The following KIAA1217 variants were observed in gnomAD, a reference collection of about 807,000 sequenced individuals.
KIAA1217 encodes the protein sickle tail protein homolog.
A neutral mutation model predicts 163.9 loss-of-function variants in KIAA1217; 88 were observed. The ratio of observed to expected loss-of-function variants is 0.54; its 90% CI spans 0.45 to 0.64. The LOEUF is 0.64. Ranked by LOEUF, KIAA1217 falls within the 30% of genes least tolerant of loss-of-function variation. The probability of loss-of-function intolerance (pLI) is 0.00; values close to 1 mark genes in which losing one functional copy is unlikely to be tolerated. For synonymous variants in KIAA1217, 903 were observed against 923.1 expected, an observed-to-expected ratio of 0.98 and a Z score of 0.39; for missense variants, 2,372 against 2,475.0, an observed-to-expected ratio of 0.96 and a Z score of 0.88.
chr10:23,778,236 G>A (rs11595534), intron 1 of KIAA1217, among the ~76,000 whole-genome samples: 28 of 152,122 alleles, frequency 1.8e-4, no homozygotes, highest in Non-Finnish European at 3.8e-4. Context: ...CACCATGCTC[G>A]GCAAACTGCA....
intron 1 of KIAA1217, among the ~76,000 whole-genome samples, chr10:23,857,512 G>A (rs1057243662): frequency 6.6e-6 from 1 of 152,330 alleles, no homozygotes. Context: ...ATGCCCTTGT[G>A]CCTCAGAGGT....
At chr10:23,995,450 C>CTCTGTGTGTGTGTGTGTGTGTGTGTG (rs980015208) in intron 1 of KIAA1217, among the ~76,000 whole-genome samples, 2 of 147,828 alleles carry the variant, frequency 1.4e-5, no homozygotes, top group African/African-American at 5.0e-5. Flanking sequence ...CAATTATGGC[C>CTCTGTGTGTGTGTGTGTGTGTGTGTG]TGTGTGTGTG....
chr10:23,886,569 C>A (rs190672938), intron 1 of KIAA1217, among the ~76,000 whole-genome samples: 1 of 151,908 alleles, frequency 6.6e-6, no homozygotes, highest in Non-Finnish European at 1.5e-5. Flanking sequence ...CTCGCTAGGG[C>A]GCAGCAGAGA....
At chr10:23,856,725 T>C (rs1839693553) in intron 1 of KIAA1217, among the ~76,000 whole-genome samples, 1 of 152,176 alleles carries the variant, frequency 6.6e-6, no homozygotes. Flanking sequence ...CAGGCGCCCC[T>C]CCCCCAGCCT....
intron 1 of KIAA1217, among the ~76,000 whole-genome samples, chr10:23,773,720 A>T (rs939356444): frequency 6.6e-6 from 1 of 151,986 alleles, no homozygotes; most frequent in Non-Finnish European, 1.5e-5. Context: ...ATTCTCTTTG[A>T]AGCAATTGTG....
intron 1 of KIAA1217, among the ~76,000 whole-genome samples, chr10:23,886,909 C>T (rs1297245098): frequency 6.6e-6 from 1 of 151,140 alleles, no homozygotes; most frequent in Admixed American, 6.6e-5. Context: ...GAATCAAATT[C>T]TCCAACTGCT....
intron 1 of KIAA1217, among the ~76,000 whole-genome samples, chr10:23,825,284 A>G (rs1383254826): frequency 6.6e-6 from 1 of 152,168 alleles, no homozygotes; most frequent in Non-Finnish European, 1.5e-5. Context: ...AGAAAAATGA[A>G]CGCTCATTAT....
At chr10:24,172,473 G>A (rs78628769) in intron 2 of KIAA1217, among the ~76,000 whole-genome samples, 2,270 of 152,232 alleles carry the variant, frequency 0.015, 60 homozygotes, top group African/African-American at 0.052. Context: ...GGTCTTGACC[G>A]CAGTGCATCC....
At chr10:24,074,254 CAGG>C (rs2061290390) in intron 2 of KIAA1217, among the ~76,000 whole-genome samples, 1 of 152,058 alleles carries the variant, frequency 6.6e-6, no homozygotes, top group Non-Finnish European at 1.5e-5. Context: ...GAGGCTGAGG[CAGG>C]AGAATTGCTT....
intron 2 of KIAA1217, among the ~76,000 whole-genome samples, chr10:24,305,218 G>T (rs1412484921): frequency 6.6e-6 from 1 of 152,216 alleles, no homozygotes; most frequent in Non-Finnish European, 1.5e-5. Flanking sequence ...TTGAAAGCTT[G>T]TACTGCTCAC....
chr10:24,420,473 C>A (rs923660047), intron 3 of KIAA1217, among the ~76,000 whole-genome samples: 4 of 152,040 alleles, frequency 2.6e-5, no homozygotes, highest in African/African-American at 9.7e-5. Context: ...GTCTTCATTA[C>A]TTTGTTTGTA....
intron 1 of KIAA1217, among the ~76,000 whole-genome samples, chr10:23,754,344 C>A (rs894249723): frequency 7.9e-5 from 12 of 152,182 alleles, no homozygotes; most frequent in Admixed American, 3.3e-4. Context: ...GTCCTAAAAG[C>A]AATCAGGATG....
chr10:23,876,389 C>T (rs990950034), intron 1 of KIAA1217, among the ~76,000 whole-genome samples: 1 of 151,632 alleles, frequency 6.6e-6, no homozygotes, highest in Admixed American at 6.6e-5. Flanking sequence ...ACTATGTTCA[C>T]TCTATGGGTG....
intron 2 of KIAA1217, among the ~76,000 whole-genome samples, chr10:24,033,294 C>G (rs1017066077): frequency 2.6e-5 from 4 of 152,144 alleles, no homozygotes; most frequent in African/African-American, 7.2e-5. Flanking sequence ...AACTTACAAG[C>G]CTTTGTCTTG....
chr10:23,768,878 A>G (rs894709589), intron 1 of KIAA1217, among the ~76,000 whole-genome samples: 1 of 152,132 alleles, frequency 6.6e-6, no homozygotes, highest in Admixed American at 6.6e-5. Flanking sequence ...ATCCACAAGG[A>G]ACAACCTCCC....
At chr10:24,449,396 G>A (rs2061221688) in intron 5 of KIAA1217, 4 of 889,574 alleles carry the variant, frequency 4.5e-6, no homozygotes, top group African/African-American at 1.8e-5. Flanking sequence ...AACATCACGT[G>A]TTTCCTTGAT....
At chr10:24,130,363 G>T (rs924305508) in intron 2 of KIAA1217, among the ~76,000 whole-genome samples, 4 of 152,070 alleles carry the variant, frequency 2.6e-5, no homozygotes, top group African/African-American at 9.7e-5. Context: ...GCATGCATTG[G>T]GCATGCCATG....
At chr10:23,837,931 C>T (rs554413969) in intron 1 of KIAA1217, among the ~76,000 whole-genome samples, 9 of 152,238 alleles carry the variant, frequency 5.9e-5, no homozygotes, top group African/African-American at 1.4e-4. Context: ...CAACTATTTT[C>T]GTGAATTTCT....
chr10:23,795,035 C>T (rs963077571), intron 1 of KIAA1217, among the ~76,000 whole-genome samples: 1 of 152,206 alleles, frequency 6.6e-6, no homozygotes, highest in African/African-American at 2.4e-5. Flanking sequence ...CTCAGTGCTC[C>T]TGGGTGTGTG....
Sources: gnomAD v4.1 joint callset for allele counts (sites outside exome capture counted in the v4.1 genomes callset) on GRCh38, gnomAD v4.1.1 for gene constraint, MANE v1.5 for transcripts, NCBI Gene and HGNC (gene_info 2026-07-23, HGNC 2026-07-21) for gene names.